The following AK5 variants were observed in gnomAD, a reference collection of about 807,000 sequenced individuals.
AK5 encodes the protein adenylate kinase 5, also known as adenylate kinase isoenzyme 5.
AK5 carries 27 observed loss-of-function variants against 69.5 expected under a neutral mutation model. That is an observed-to-expected ratio of 0.39 (90% CI 0.29 to 0.54). The LOEUF (loss-of-function observed/expected upper bound fraction) is 0.54. Ranked by LOEUF, AK5 falls within the 20% of genes least tolerant of loss-of-function variation. The pLI, the probability that AK5 is intolerant of heterozygous loss-of-function variation, is 0.71. For missense variants in AK5, 531 were observed against 700.4 expected (o/e 0.76, Z 2.73); for synonymous variants, 260 against 244.4 (o/e 1.06, Z -0.60).
chr1:77,446,579 A>T (rs1652770404), intron 8 of AK5, among the ~76,000 whole-genome samples: 1 of 152,050 alleles, frequency 6.6e-6, no homozygotes, highest in South Asian at 2.1e-4. Flanking sequence ...GTATCCTTTT[A>T]ATTTCCTTCA....
At chr1:77,469,257 C>G (rs937889463) in intron 8 of AK5, among the ~76,000 whole-genome samples, 1 of 152,100 alleles carries the variant, frequency 6.6e-6, no homozygotes, top group Non-Finnish European at 1.5e-5. Context: ...AGCTATTGTA[C>G]CCAGTTATTT....
At chr1:77,412,281 T>C (rs1209208804) in intron 7 of AK5, among the ~76,000 whole-genome samples, 1 of 152,176 alleles carries the variant, frequency 6.6e-6, no homozygotes, top group African/African-American at 2.4e-5. Flanking sequence ...GGAAACCGCC[T>C]GAGGACACGT....
chr1:77,393,650 A>G (rs1295827052), intron 6 of AK5, among the ~76,000 whole-genome samples: 1 of 152,172 alleles, frequency 6.6e-6, no homozygotes, highest in Non-Finnish European at 1.5e-5. Context: ...ACTTAGATTT[A>G]CTACATGCAA....
intron 10 of AK5, among the ~76,000 whole-genome samples, chr1:77,489,867 C>T (rs1004892709): frequency 6.6e-6 from 1 of 152,198 alleles, no homozygotes; most frequent in Non-Finnish European, 1.5e-5. Flanking sequence ...CCAGCCACAC[C>T]TGCATCCTTA....
intron 5 of AK5, among the ~76,000 whole-genome samples, chr1:77,337,266 A>G (rs1661411106): frequency 6.6e-6 from 1 of 152,220 alleles, no homozygotes; most frequent in Non-Finnish European, 1.5e-5. Context: ...ACATAGGTAG[A>G]AGGCTATCCA....
chr1:77,558,580 C>CT (rs771306755), intron 13 of AK5, 22 bp from the exon 14 acceptor site: 11 of 1,438,692 alleles, frequency 7.6e-6, no homozygotes, highest in Admixed American at 1.7e-5. Flanking sequence ...GACTAACTCT[C>CT]TTTTTTTCCT....
chr1:77,457,370 T>C (rs534639729), intron 8 of AK5, among the ~76,000 whole-genome samples: 1 of 152,300 alleles, frequency 6.6e-6, no homozygotes, highest in Admixed American at 6.5e-5. Context: ...TGTTCTTGCT[T>C]TTTAGAATTG....
chr1:77,437,977 T>C (rs1024498781), intron 8 of AK5, among the ~76,000 whole-genome samples: 1 of 152,098 alleles, frequency 6.6e-6, no homozygotes, highest in African/African-American at 2.4e-5. Context: ...ACTAAAGCAA[T>C]TGTTAAATCA....
At chr1:77,360,238 T>C (rs948916638) in intron 6 of AK5, among the ~76,000 whole-genome samples, 3 of 151,648 alleles carry the variant, frequency 2.0e-5, no homozygotes, top group Non-Finnish European at 4.4e-5. Flanking sequence ...GGAAGAAGAG[T>C]CGGGGAGGGG....
At chr1:77,472,605 G>T (rs772080844) in intron 8 of AK5, among the ~76,000 whole-genome samples, 1 of 151,956 alleles carries the variant, frequency 6.6e-6, no homozygotes, top group African/African-American at 2.4e-5. Context: ...AGGGAGGGCC[G>T]GGCACAGTGG....
At chr1:77,368,245 A>ATATATGTTATATATATTATATATAT (rs1553140335) in intron 6 of AK5, among the ~76,000 whole-genome samples, 2 of 67,906 alleles carry the variant, frequency 2.9e-5, no homozygotes, top group Non-Finnish European at 5.7e-5. Context: ...ATATATATAT[A>ATATATGTTATATATATTATATATAT]TATATATAAT....
intron 10 of AK5, among the ~76,000 whole-genome samples, chr1:77,505,404 A>G (rs914304411): frequency 1.3e-5 from 2 of 152,230 alleles, no homozygotes; most frequent in South Asian, 2.1e-4. Flanking sequence ...AAACCAAACT[A>G]GAAAACCACA....
At chr1:77,307,225 G>T (rs1401543077) in intron 5 of AK5, among the ~76,000 whole-genome samples, 1 of 151,250 alleles carries the variant, frequency 6.6e-6, no homozygotes, top group Non-Finnish European at 1.5e-5. Context: ...TTTTGATGTA[G>T]GCACTTATAG....
chr1:77,503,357 G>C (rs985286986), intron 10 of AK5, among the ~76,000 whole-genome samples: 1 of 148,734 alleles, frequency 6.7e-6, no homozygotes, highest in Non-Finnish European at 1.5e-5. Flanking sequence ...CTAAATGTTT[G>C]AGCAAGTTTT....
At chr1:77,458,368 G>A (rs1653628841) in intron 8 of AK5, among the ~76,000 whole-genome samples, 3 of 152,076 alleles carry the variant, frequency 2.0e-5, no homozygotes, top group Non-Finnish European at 4.4e-5. Flanking sequence ...CCAAACCTGA[G>A]TAGTCAGTAT....
In AK5 at chr1:77,311,078, G is replaced by A. The variant is rs551596908; in HGVS notation, c.699+13131G>A. ...GTATGTCTGTTTGTCTCCCTAGACA[G>A]CCTTCTTTTCTGTTCTCTTTACGGC... On this transcript the variant is annotated intron_variant, in intron 5 of 13. Transcript: ENST00000354567. Among the ~76,000 whole-genome samples the A allele has an allele frequency of 2.6e-5, 4 of 152,164 alleles. No individual in the cohort carries two copies. In the East Asian group the frequency reaches 7.7e-4, roughly 29 times the overall value.
chr1:77,347,544 A>G (rs1388096771), intron 6 of AK5, among the ~76,000 whole-genome samples: 1 of 152,202 alleles, frequency 6.6e-6, no homozygotes, highest in Admixed American at 6.5e-5. Context: ...AAATATCCAG[A>G]ACTAAATTGA....
At chr1:77,367,886 T>TATATTATATATCAC (rs1647024339) in intron 6 of AK5, among the ~76,000 whole-genome samples, 1 of 13,632 alleles carries the variant, frequency 7.3e-5, no homozygotes, top group African/African-American at 2.5e-4. Flanking sequence ...TAATATAAAA[T>TATATTATATATCAC]ATATGTGATA....
chr1:77,473,721 A>G (rs1313104059), intron 8 of AK5, among the ~76,000 whole-genome samples: 1 of 152,170 alleles, frequency 6.6e-6, no homozygotes, highest in Non-Finnish European at 1.5e-5. Flanking sequence ...TTTGGGTGCA[A>G]AAAGATAAAA....
Sources: allele counts gnomAD v4.1 joint callset (sites outside exome capture counted in the v4.1 genomes callset), GRCh38; gene constraint gnomAD v4.1.1; transcripts MANE v1.5; gene names NCBI Gene and HGNC (gene_info 2026-07-23, HGNC 2026-07-21).